Variants in ACSS3 observed in about 807,000 individuals in gnomAD.
ACSS3 encodes acyl-CoA synthetase short chain family member 3.
ACSS3 carries 64 observed loss-of-function variants against 84.2 expected under a neutral mutation model. The ratio of observed to expected loss-of-function variants is 0.76; its 90% CI spans 0.62 to 0.94. The LOEUF (loss-of-function observed/expected upper bound fraction) is 0.94, where lower values mean the gene tolerates loss of function less well. Among genes scored for constraint, ACSS3 ranks in the 40% least tolerant of loss-of-function variants. The pLI, the probability that ACSS3 is intolerant of heterozygous loss-of-function variation, is 0.00. For missense variants in ACSS3, 815 were observed against 867.6 expected (o/e 0.94, Z 0.76); for synonymous variants, 317 against 310.1 (o/e 1.02, Z -0.23).
At chr12:81,120,749 T>A (rs1304864131) in intron 2 of ACSS3, among the ~76,000 whole-genome samples, 1 of 152,154 alleles carries the variant, frequency 6.6e-6, no homozygotes, top group Admixed American at 6.5e-5. Flanking sequence ...TCTGAATAAA[T>A]CAATATAGGT....
chr12:81,216,722 ATATGT>A (rs1044576684), intron 9 of ACSS3, among the ~76,000 whole-genome samples, 174 bp from the exon 10 acceptor site: 53 of 152,276 alleles, frequency 3.5e-4, no homozygotes, highest in African/African-American at 1.3e-3. Context: ...AATACTGTGG[ATATGT>A]TATAAGTTAC....
At chr12:81,206,136 C>T (rs956709575) in intron 9 of ACSS3, among the ~76,000 whole-genome samples, 2 of 152,110 alleles carry the variant, frequency 1.3e-5, no homozygotes, top group African/African-American at 4.8e-5. Context: ...TCAAATGCTG[C>T]CTTCTGGATT....
intron 13 of ACSS3, among the ~76,000 whole-genome samples, chr12:81,240,961 T>C (rs1474000435): frequency 2.0e-5 from 3 of 151,516 alleles, no homozygotes; most frequent in African/African-American, 7.3e-5. Context: ...ATATTAGGTA[T>C]ATCTCCCAAT....
At chr12:81,216,125 A>G (rs923067413) in intron 9 of ACSS3, among the ~76,000 whole-genome samples, 1 of 151,174 alleles carries the variant, frequency 6.6e-6, no homozygotes. Context: ...CATATATATT[A>G]TATATTTTTT....
intron 9 of ACSS3, among the ~76,000 whole-genome samples, chr12:81,208,793 C>T (rs776445233): frequency 2.2e-4 from 33 of 152,232 alleles, no homozygotes; most frequent in East Asian, 3.9e-4. Context: ...ACTTGCCTCC[C>T]GCAAGCTTTG....
At chr12:81,146,386 A>G (rs1196641315) in intron 5 of ACSS3, among the ~76,000 whole-genome samples, 1 of 152,200 alleles carries the variant, frequency 6.6e-6, no homozygotes, top group East Asian at 1.9e-4. Context: ...ACATGCATTA[A>G]TGGAGCATTT....
chr12:81,106,457 T>G (rs569146239), intron 1 of ACSS3, among the ~76,000 whole-genome samples: 1 of 152,156 alleles, frequency 6.6e-6, no homozygotes, highest in Non-Finnish European at 1.5e-5. Context: ...CATTATATGT[T>G]ATAATGTAAT....
At chr12:81,162,084 C>T (rs1001572378) in intron 7 of ACSS3, among the ~76,000 whole-genome samples, 1 of 152,184 alleles carries the variant, frequency 6.6e-6, no homozygotes, top group Non-Finnish European at 1.5e-5. Flanking sequence ...CGTGTTTCAG[C>T]CCTGTTTGTG....
chr12:81,096,830 A>G (rs926300998), intron 1 of ACSS3, among the ~76,000 whole-genome samples: 1 of 152,126 alleles, frequency 6.6e-6, no homozygotes, highest in Non-Finnish European at 1.5e-5. Context: ...ATGGTATTCC[A>G]TGGTGTATAT....
chr12:81,117,655 A>T (rs933035779), intron 2 of ACSS3, among the ~76,000 whole-genome samples: 3 of 152,128 alleles, frequency 2.0e-5, no homozygotes, highest in African/African-American at 4.8e-5. Flanking sequence ...CATGGTCAAG[A>T]CTGTATCTAA....
At chr12:81,110,947 C>A (rs1443573616) in intron 2 of ACSS3, among the ~76,000 whole-genome samples, 1 of 152,084 alleles carries the variant, frequency 6.6e-6, no homozygotes, top group Admixed American at 6.6e-5. Flanking sequence ...AAATCATATT[C>A]TTTTTCATCA....
At chr12:81,145,928 A>G (rs559587110) in intron 5 of ACSS3, among the ~76,000 whole-genome samples, 75 of 152,312 alleles carry the variant, frequency 4.9e-4, no homozygotes, top group African/African-American at 1.8e-3. Context: ...CACATACAGA[A>G]TGGCAAAAGA....
At chr12:81,196,593 T>C (rs2031842557) in intron 8 of ACSS3, among the ~76,000 whole-genome samples, 1 of 152,122 alleles carries the variant, frequency 6.6e-6, no homozygotes, top group African/African-American at 2.4e-5. Flanking sequence ...CCATTTTGCA[T>C]TGTTGTAAAG....
chr12:81,099,891 C>T (rs1245305599), intron 1 of ACSS3, among the ~76,000 whole-genome samples: 1 of 152,132 alleles, frequency 6.6e-6, no homozygotes, highest in Non-Finnish European at 1.5e-5. Context: ...ACTTCTGGCA[C>T]CCAGAGATCA....
At chr12:81,120,988 A>G (rs1000389779) in intron 2 of ACSS3, among the ~76,000 whole-genome samples, 2 of 152,194 alleles carry the variant, frequency 1.3e-5, no homozygotes, top group Non-Finnish European at 2.9e-5. Flanking sequence ...TTACTAGTGT[A>G]TGCACTGTAT....
At chr12:81,216,773 C>G in intron 9 of ACSS3, 128 bp from the exon 10 acceptor site, 1 of 555,706 alleles carries the variant, frequency 1.8e-6, no homozygotes, top group Non-Finnish European at 3.2e-6. Flanking sequence ...TATATTTGCA[C>G]TATTCATCTA....
chr12:81,085,324 T>A (rs1380211074), intron 1 of ACSS3, among the ~76,000 whole-genome samples: 1 of 152,236 alleles, frequency 6.6e-6, no homozygotes, highest in Non-Finnish European at 1.5e-5. Flanking sequence ...GAGCTAAATA[T>A]CTCAATATTT....
Position 81,139,241 on chromosome 12 carries a change from T to C in ACSS3, c.756T>C (p.Ile252=), listed in dbSNP as rs759400990. 6.2e-7 allele frequency: 1 copy of C among 1,613,960 alleles called. No individual in the cohort carries two copies. Among genetic ancestry groups the C allele is most frequent in the Non-Finnish European group, 8.5e-7 (1 of 1,179,916 alleles). ...TAGGACAACACAAACCAGACAAAATTCTCATTTATAATCGTCCAAATATGG... is the reference window on the plus strand; with the variant it reads ...TAGGACAACACAAACCAGACAAAATCCTCATTTATAATCGTCCAAATATGG... ...LKIGQHKPDK[I]LIYNRPNMEA... is the part of the protein sequence containing the mutation. Residue 252 remains isoleucine (I), a synonymous_variant, in exon 4 of 16, where the codon ATT becomes ATC. Transcript: ENST00000548058.
At chr12:81,091,812 T>C (rs1881686288) in intron 1 of ACSS3, among the ~76,000 whole-genome samples, 1 of 152,244 alleles carries the variant, frequency 6.6e-6, no homozygotes, top group African/African-American at 2.4e-5. Context: ...TGTTACAGGA[T>C]ACAAAACATG....
Sources: allele counts gnomAD v4.1 joint callset (sites outside exome capture counted in the v4.1 genomes callset), GRCh38; gene constraint gnomAD v4.1.1; transcripts MANE v1.5; gene names NCBI Gene and HGNC (gene_info 2026-07-23, HGNC 2026-07-21).